The following NCALD variants were observed in gnomAD, a reference collection of about 807,000 sequenced individuals.
NCALD encodes the protein neurocalcin-delta.
Under a neutral mutation model 18.6 loss-of-function variants are expected in NCALD, and 10 were observed. The observed-to-expected ratio is 0.54, with a 90% CI of 0.33 to 0.91. The LOEUF is 0.91. Ranked by LOEUF, NCALD falls within the 40% of genes least tolerant of loss-of-function variation. The pLI, the probability that NCALD is intolerant of heterozygous loss-of-function variation, is 0.03. For synonymous variants in NCALD, 88 were observed against 87.4 expected, an observed-to-expected ratio of 1.01 and a Z score of -0.04; for missense variants, 184 against 247.6, an observed-to-expected ratio of 0.74 and a Z score of 1.72.
intron 1 of NCALD, among the ~76,000 whole-genome samples, chr8:101,787,181 A>G (rs1326786912): frequency 6.6e-6 from 1 of 152,160 alleles, no homozygotes; most frequent in Non-Finnish European, 1.5e-5. Context: ...CTTTTTGAAA[A>G]GTTTCAAACA....
chr8:101,980,070 G>T (rs1335679808), intron 2 of NCALD, among the ~76,000 whole-genome samples: 1 of 152,114 alleles, frequency 6.6e-6, no homozygotes, highest in South Asian at 2.1e-4. Context: ...GGGGGCAGGG[G>T]GCACTGGTTG....
chr8:101,702,528 C>G (rs568587071), intron 2 of NCALD, among the ~76,000 whole-genome samples: 15 of 152,322 alleles, frequency 9.8e-5, no homozygotes, highest in South Asian at 4.1e-4. Context: ...CCATGCCCAA[C>G]TAGATACTAT....
intron 1 of NCALD, among the ~76,000 whole-genome samples, chr8:102,074,829 G>A (rs1824289871): frequency 6.6e-6 from 1 of 152,136 alleles, no homozygotes; most frequent in African/African-American, 2.4e-5. Flanking sequence ...AATCAATTTA[G>A]GGTATATCAA....
At chr8:101,961,049 T>C (rs926090634) in intron 2 of NCALD, among the ~76,000 whole-genome samples, 3 of 152,172 alleles carry the variant, frequency 2.0e-5, no homozygotes, top group Non-Finnish European at 2.9e-5. Flanking sequence ...TTAATCATTG[T>C]CTACTGTTCT....
In NCALD at chr8:102,086,971, AG is replaced by A. The variant is rs1409725795; in HGVS notation, c.-210+37265del. On this transcript the variant is annotated intron_variant, in intron 1 of 6. Coordinates refer to the NCALD transcript ENST00000311028. ...AGTTTACAGATGCCATGGCAACATC[AG>A]GAACTTACCCTATATGGTCTACAAA... Among the ~76,000 whole-genome samples the A allele has an allele frequency of 2.6e-5, 4 of 152,244 alleles. 1 individual carries two copies. The highest frequency in any genetic ancestry group is 2.6e-4 in the Admixed American group (4 of 15,288).
intron 2 of NCALD, among the ~76,000 whole-genome samples, chr8:101,952,456 G>A (rs1470762253): frequency 6.6e-6 from 1 of 152,152 alleles, no homozygotes; most frequent in East Asian, 1.9e-4. Context: ...TGGTTTTGGG[G>A]GCTGCAGGCA....
intron 2 of NCALD, among the ~76,000 whole-genome samples, chr8:101,957,293 T>G (rs1047676781): frequency 2.1e-5 from 3 of 142,564 alleles, no homozygotes; most frequent in South Asian, 2.2e-4. Flanking sequence ...GTTGGGGTTT[T>G]TTTTTTTTTT....
At chr8:101,707,892 AAATAAATAAAT>A (rs1213031667) in intron 2 of NCALD, among the ~76,000 whole-genome samples, 2 of 151,422 alleles carry the variant, frequency 1.3e-5, no homozygotes, top group Admixed American at 6.6e-5. Flanking sequence ...ATAAATAAAT[AAATAAATAAAT>A]AATAAATAAA....
At chr8:101,709,044 C>A (rs1815661620) in intron 2 of NCALD, among the ~76,000 whole-genome samples, 1 of 152,122 alleles carries the variant, frequency 6.6e-6, no homozygotes, top group African/African-American at 2.4e-5. Flanking sequence ...AACACACAAA[C>A]AAAGCAAAGA....
intron 2 of NCALD, among the ~76,000 whole-genome samples, chr8:101,972,244 A>T (rs1201546693): frequency 6.6e-6 from 1 of 152,196 alleles, no homozygotes; most frequent in Non-Finnish European, 1.5e-5. Context: ...AGCAGTGAGG[A>T]GACAGGGCTT....
Position 102,050,930 on chromosome 8 carries a change from T to A in NCALD, c.-209-30641A>T, listed in dbSNP as rs1021299349. On this transcript the variant is annotated intron_variant, in intron 1 of 6. Coordinates refer to the NCALD transcript ENST00000311028. Reference sequence around the variant, plus strand: ...TATATATAAGTATATAATTTATATATAAATAAATTTTTGTATATAATTTAT... The same window carrying A: ...TATATATAAGTATATAATTTATATAAAAATAAATTTTTGTATATAATTTAT... 3.3e-4 allele frequency among the ~76,000 whole-genome samples: 49 copies of A among 147,504 alleles called. 2 individuals are homozygous for A. The highest frequency in any genetic ancestry group is 1.8e-4 in the Non-Finnish European group (12 of 67,070).
intron 4 of NCALD, among the ~76,000 whole-genome samples, chr8:101,796,475 C>A (rs73275549): frequency 1.3e-5 from 2 of 151,762 alleles, no homozygotes; most frequent in Non-Finnish European, 1.5e-5. Context: ...AGAATCCTCA[C>A]GCAAAAATGA....
chr8:101,802,251 A>C (rs1320465552), intron 4 of NCALD, among the ~76,000 whole-genome samples: 1 of 152,138 alleles, frequency 6.6e-6, no homozygotes, highest in South Asian at 2.1e-4. Context: ...AATATGAAAA[A>C]CTTAATTGAT....
At chr8:101,752,496 A>C (rs1288972056) in intron 1 of NCALD, among the ~76,000 whole-genome samples, 1 of 152,206 alleles carries the variant, frequency 6.6e-6, no homozygotes, top group East Asian at 1.9e-4. Context: ...GTGATTTCCA[A>C]ACCTGGCAAA....
chr8:101,729,815 G>A (rs1372631329), intron 1 of NCALD, among the ~76,000 whole-genome samples: 1 of 152,064 alleles, frequency 6.6e-6, no homozygotes, highest in Non-Finnish European at 1.5e-5. Context: ...CTGGCCTGGG[G>A]GTTTTTCCAA....
intron 4 of NCALD, chr8:101,872,584 G>A (rs750288725): frequency 2.8e-5 from 16 of 563,008 alleles, no homozygotes; most frequent in Non-Finnish European, 4.8e-5. Context: ...TCGTGCTGGG[G>A]AATTCAGATT....
intron 2 of NCALD, among the ~76,000 whole-genome samples, chr8:101,995,424 G>T (rs535241643): frequency 2.6e-5 from 4 of 152,222 alleles, no homozygotes; most frequent in African/African-American, 9.6e-5. Context: ...AGATTTAATT[G>T]GCTCACGGTT....
chr8:101,968,660 T>C (rs982452312), intron 2 of NCALD, among the ~76,000 whole-genome samples: 1 of 152,060 alleles, frequency 6.6e-6, no homozygotes, highest in Non-Finnish European at 1.5e-5. Flanking sequence ...AAAGGGCTTG[T>C]AGTTTCTTTC....
intron 1 of NCALD, among the ~76,000 whole-genome samples, chr8:101,778,334 C>T (rs559074155): frequency 1.3e-5 from 2 of 152,178 alleles, no homozygotes; most frequent in East Asian, 3.9e-4. Flanking sequence ...GTCAACCCAG[C>T]CCTTCATTTA....
Sources: allele counts gnomAD v4.1 joint callset (sites outside exome capture counted in the v4.1 genomes callset), GRCh38; gene constraint gnomAD v4.1.1; transcripts MANE v1.5; gene names NCBI Gene and HGNC (gene_info 2026-07-23, HGNC 2026-07-21).